Variants in DCAF6 observed in about 807,000 individuals in gnomAD.
The protein encoded by DCAF6 is DDB1 and CUL4 associated factor 6.
Under a neutral mutation model 125.1 loss-of-function variants are expected in DCAF6, and 54 were observed. That is an observed-to-expected ratio of 0.43 (90% CI 0.35 to 0.54). The LOEUF (loss-of-function observed/expected upper bound fraction) is 0.54, where lower values mean the gene tolerates loss of function less well. Ranked by LOEUF, DCAF6 falls within the 20% of genes least tolerant of loss-of-function variation. The pLI, the probability that DCAF6 is intolerant of heterozygous loss-of-function variation, is 0.01. For missense variants in DCAF6, 934 were observed against 1,161.7 expected (o/e 0.80, Z 2.85); for synonymous variants, 371 against 390.4 (o/e 0.95, Z 0.58).
intron 3 of DCAF6, among the ~76,000 whole-genome samples, chr1:167,969,663 G>C (rs1677000195): frequency 1.3e-5 from 2 of 152,140 alleles, no homozygotes. Flanking sequence ...ATGGGTCGTA[G>C]TTTTATTTCA....
Position 167,991,271 on chromosome 1 carries a change from T to A in DCAF6, c.620T>A (p.Leu207His), listed in dbSNP as rs777076741. 3.7e-6 allele frequency: 6 copies of A among 1,613,558 alleles called. No homozygotes were observed. The highest frequency in any genetic ancestry group is 4.2e-6 in the Non-Finnish European group (5 of 1,179,878). ...ATTTGCCCACCAATACCATATTACCTTGCTGTTGGTTGTTCTGACAGCTCA... is the reference window on the plus strand; with the variant it reads ...ATTTGCCCACCAATACCATATTACCATGCTGTTGGTTGTTCTGACAGCTCA... Reference protein sequence around the residue: ...VAICPPIPYYLAVGCSDSSVR... With the variant: ...VAICPPIPYYHAVGCSDSSVR... The change falls in exon 6 of 22, where the codon CTT (leucine) becomes CAT (histidine). Residue 207 changes from leucine (L) to histidine (H), a missense_variant. By Grantham distance (99) the Leu-to-His change is moderately conservative. Transcript: ENST00000367840.
intron 17 of DCAF6, among the ~76,000 whole-genome samples, chr1:168,053,484 A>G (rs758275966): frequency 1.9e-4 from 29 of 152,300 alleles, no homozygotes; most frequent in Non-Finnish European, 4.0e-4. Flanking sequence ...ATTGCTTGCT[A>G]CAAAGACTCA....
chr1:167,880,601 A>C, the DCAF6 span: 2 of 1,612,806 alleles, frequency 1.2e-6, no homozygotes, highest in Admixed American at 1.7e-5. Flanking sequence ...CACAGAGGAA[A>C]GAGCAGCCCT....
At chr1:168,029,153 C>T (rs989043085) in intron 12 of DCAF6, among the ~76,000 whole-genome samples, 2 of 152,152 alleles carry the variant, frequency 1.3e-5, no homozygotes, top group African/African-American at 4.8e-5. Context: ...TACTCTTCTG[C>T]TGATCAAACC....
At chr1:167,998,455 T>TA (rs1418009183) in intron 7 of DCAF6, among the ~76,000 whole-genome samples, 1 of 152,150 alleles carries the variant, frequency 6.6e-6, no homozygotes, top group African/African-American at 2.4e-5. Flanking sequence ...TCTGCATCGA[T>TA]AGACTCTTCC....
At chr1:167,878,733 A>T in the DCAF6 span, 3 of 1,239,214 alleles carry the variant, frequency 2.4e-6, no homozygotes, top group Non-Finnish European at 3.5e-6. Flanking sequence ...TTTACCCTTT[A>T]CTCCCTTTGC....
intron 4 of DCAF6, among the ~76,000 whole-genome samples, chr1:167,986,458 C>CAT (rs560468329): frequency 2.2e-4 from 34 of 152,258 alleles, no homozygotes; most frequent in Non-Finnish European, 4.0e-4. Flanking sequence ...GAATACCTTT[C>CAT]ATATATACAG....
chr1:167,990,820 ATC>A, intron 5 of DCAF6, among the ~76,000 whole-genome samples: 1 of 152,248 alleles, frequency 6.6e-6, no homozygotes, highest in East Asian at 1.9e-4. Context: ...CATTTTAAAA[ATC>A]TGTATTTTAA....
At chr1:167,890,773 C>A in the DCAF6 span, among the ~76,000 whole-genome samples, 1 of 152,124 alleles carries the variant, frequency 6.6e-6, no homozygotes, top group Non-Finnish European at 1.5e-5. Context: ...TAGGTATCTT[C>A]TGGAATGTTT....
the DCAF6 span, among the ~76,000 whole-genome samples, chr1:167,882,792 C>G: frequency 2.6e-5 from 4 of 152,150 alleles, no homozygotes; most frequent in Non-Finnish European, 4.4e-5. Context: ...CCAGCCTCCC[C>G]CTTACTAGCT....
chr1:168,057,104 A>G (rs534342724), intron 17 of DCAF6, among the ~76,000 whole-genome samples: 1 of 152,234 alleles, frequency 6.6e-6, no homozygotes, highest in African/African-American at 2.4e-5. Context: ...TTTCCACCCT[A>G]AAAAGTCTTT....
the DCAF6 span, among the ~76,000 whole-genome samples, chr1:167,926,236 G>T: frequency 1.3e-5 from 2 of 152,186 alleles, no homozygotes; most frequent in African/African-American, 4.8e-5. Context: ...GAAACAGCTG[G>T]TGAGAGAATT....
intron 17 of DCAF6, among the ~76,000 whole-genome samples, 159 bp downstream of exon 17, chr1:168,051,092 C>T (rs554524263): frequency 6.6e-6 from 1 of 152,292 alleles, no homozygotes; most frequent in African/African-American, 2.4e-5. Flanking sequence ...TTTCCACAAA[C>T]TATATTTAGC....
intron 7 of DCAF6, among the ~76,000 whole-genome samples, chr1:167,995,755 C>G (rs1264420796): frequency 6.6e-6 from 1 of 151,404 alleles, no homozygotes. Context: ...AATAATCTGT[C>G]TTATTTGTAA....
the DCAF6 span, among the ~76,000 whole-genome samples, chr1:167,878,205 C>G: frequency 1.3e-5 from 2 of 152,082 alleles, no homozygotes; most frequent in Admixed American, 6.6e-5. Context: ...GTTTGTACAA[C>G]CTTTGAAGAA....
chr1:167,951,657 A>T, intron 1 of DCAF6, 143 bp from the exon 2 acceptor site: 2 of 589,494 alleles, frequency 3.4e-6, no homozygotes. Context: ...TAAATTGCCC[A>T]GTATCACTCA....
intron 19 of DCAF6, 27 bp from the exon 20 acceptor site, chr1:168,066,350 A>G: frequency 6.9e-7 from 1 of 1,452,192 alleles, no homozygotes; most frequent in Non-Finnish European, 9.5e-7. Flanking sequence ...TCTAGGCTTC[A>G]TATTAATATA....
intron 17 of DCAF6, among the ~76,000 whole-genome samples, chr1:168,057,550 G>A (rs1691035172): frequency 6.6e-6 from 1 of 152,088 alleles, no homozygotes; most frequent in Admixed American, 6.5e-5. Flanking sequence ...CTTTGAAATT[G>A]CTGGATAATC....
intron 7 of DCAF6, among the ~76,000 whole-genome samples, chr1:168,001,277 G>A (rs1210080876): frequency 6.6e-6 from 1 of 152,008 alleles, no homozygotes; most frequent in Non-Finnish European, 1.5e-5. Flanking sequence ...GGAGAAGAGT[G>A]TGAGACCCTG....
Sources: gnomAD v4.1 joint callset for allele counts (sites outside exome capture counted in the v4.1 genomes callset) on GRCh38, gnomAD v4.1.1 for gene constraint, MANE v1.5 for transcripts, NCBI Gene and HGNC (gene_info 2026-07-23, HGNC 2026-07-21) for gene names.